Variants in PAXIP1 observed in about 807,000 individuals in gnomAD.
PAXIP1 encodes PAX-interacting protein 1.
A neutral mutation model predicts 140.6 loss-of-function variants in PAXIP1; 19 were observed. The observed-to-expected ratio is 0.14, with a 90% CI of 0.09 to 0.20. The LOEUF is 0.20. PAXIP1 is among the 10% of genes least tolerant of loss of function. The probability of loss-of-function intolerance (pLI) is 1.00; values close to 1 mark genes in which losing one functional copy is unlikely to be tolerated. For synonymous variants in PAXIP1, 442 were observed against 444.6 expected (o/e 0.99, Z 0.07); for missense variants, 920 against 1,208.6 (o/e 0.76, Z 3.54).
At chr7:154,988,389 G>A (rs1476274501) in intron 4 of PAXIP1, among the ~76,000 whole-genome samples, 1 of 152,016 alleles carries the variant, frequency 6.6e-6, no homozygotes, top group Non-Finnish European at 1.5e-5. Flanking sequence ...GCCCCTGAGT[G>A]GTCATATATG....
At chr7:154,984,120 A>G (rs144950956) in intron 4 of PAXIP1, among the ~76,000 whole-genome samples, 1 of 152,288 alleles carries the variant, frequency 6.6e-6, no homozygotes, top group African/African-American at 2.4e-5. Context: ...AATTACACCT[A>G]ATAATTGGAA....
At chr7:154,996,199 G>A (rs976238226) in intron 2 of PAXIP1, among the ~76,000 whole-genome samples, 1 of 152,162 alleles carries the variant, frequency 6.6e-6, no homozygotes, top group Non-Finnish European at 1.5e-5. Context: ...AAGAATATCA[G>A]GATCTACTTG....
chr7:154,951,058 T>TA (rs1381330829), intron 16 of PAXIP1: 2 of 152,284 alleles, frequency 1.3e-5, no homozygotes, highest in African/African-American at 4.8e-5. Flanking sequence ...ATCATGTCCT[T>TA]ACACATTTGT....
At chr7:154,984,619 A>G (rs2150775131) in intron 4 of PAXIP1, among the ~76,000 whole-genome samples, 1 of 152,364 alleles carries the variant, frequency 6.6e-6, no homozygotes, top group African/African-American at 2.4e-5. Flanking sequence ...ATTATTTTAT[A>G]ACTTGTTAAT....
chr7:154,986,240 T>C lies in PAXIP1; in HGVS notation c.325-2908A>G. The C allele has an allele frequency of 8.0e-7, 1 of 1,251,198 alleles. No individual in the cohort carries two copies. Among genetic ancestry groups the C allele is most frequent in the African/African-American group, 1.5e-5 (1 of 64,542 alleles). The allele number at this position is 1,251,198 out of a possible 1,614,324, so 77.5% of individuals were successfully genotyped here. On this transcript the variant is annotated intron_variant, in intron 4 of 20. Transcript: ENST00000404141. This position sits in a 1 kb window ranked among gnomAD's most constrained non-coding sequence, Gnocchi z 4.8. Reference sequence around the variant, plus strand: ...CCAAGAAACAGTCCTTTTGTAAAGCTGGGGTCCTGCCTGGCGTGTGCATGT... The same window carrying C: ...CCAAGAAACAGTCCTTTTGTAAAGCCGGGGTCCTGCCTGGCGTGTGCATGT...
Position 154,946,958 on chromosome 7 carries a change from T to TA in PAXIP1, c.2923-146_2923-145insT. On this transcript the variant is annotated intron_variant, in intron 17 of 20. Coordinates refer to ENST00000404141, the MANE Select transcript of PAXIP1 (RefSeq NM_007349.4). This position sits in a 1 kb window ranked among gnomAD's most constrained non-coding sequence, Gnocchi z 4.9. ...GAAGGTACTATTCTCCTACTAGCAC[T>TA]CAATCTGAAGTGGAAGAGGAATCCA... The TA allele has an allele frequency of 3.4e-6, 2 of 580,500 alleles. No individual in the cohort carries two copies. Among genetic ancestry groups the TA allele is most frequent in the Non-Finnish European group, 6.0e-6 (2 of 335,642 alleles). The allele number at this position is 580,500 out of a possible 1,614,324, so 36.0% of individuals were successfully genotyped here. A position where few individuals can be genotyped will look rare whatever the true frequency, so the allele number is the denominator to read the frequency against.
At chr7:154,951,744 T>G (rs1808280770) in intron 16 of PAXIP1, 1 of 152,150 alleles carries the variant, frequency 6.6e-6, no homozygotes, top group South Asian at 2.1e-4. Context: ...ACTTGAAAAA[T>G]TAAGTAAATT....
chr7:154,945,547 C>G (rs1463535510), intron 20 of PAXIP1: 3 of 985,296 alleles, frequency 3.0e-6, no homozygotes, highest in African/African-American at 1.7e-5. Context: ...ACACAAAATT[C>G]CCCTGCTTAA....
chr7:154,989,168 A>G (rs992307953), intron 4 of PAXIP1, among the ~76,000 whole-genome samples: 24 of 152,218 alleles, frequency 1.6e-4, no homozygotes, highest in Admixed American at 3.9e-4. Flanking sequence ...GAACTTCCAG[A>G]ATACAAGAGA....
At position 154,977,991 on chromosome 7, in the gene PAXIP1, T is replaced by C. The variant is rs1563379935; in HGVS notation, c.439-1660A>G. Among the ~76,000 whole-genome samples the C allele has an allele frequency of 2.2e-4, 28 of 128,656 alleles. 1 individual carries two copies. Among genetic ancestry groups the C allele is most frequent in the African/African-American group, 1.1e-3 (25 of 23,124 alleles). 84.4% of individuals were successfully genotyped at this position (128,656 alleles called of 152,430 possible). Reference sequence around the variant, plus strand: ...TGTACATTTTCGAACGCAGACCAAATTAGAGACTAGTGGAATAAATCCCTT... The same window carrying C: ...TGTACATTTTCGAACGCAGACCAAACTAGAGACTAGTGGAATAAATCCCTT... On this transcript the variant is annotated intron_variant, in intron 5 of 20. Coordinates refer to ENST00000404141, the MANE Select transcript of PAXIP1 (RefSeq NM_007349.4).
chr7:154,947,028 C>T (rs569973077), intron 17 of PAXIP1: 1 of 442,602 alleles, frequency 2.3e-6, no homozygotes, highest in Non-Finnish European at 4.0e-6. Flanking sequence ...GTTAAGTATG[C>T]CTGAAGATGA....
Position 154,968,967 on chromosome 7 carries a change from GCTGCTGCTGCTGGGC to G in PAXIP1, c.1219_1233del (p.Ala407_Gln411del), listed in dbSNP as rs1300228766. 26 of 1,542,588 alleles carry G rather than the reference GCTGCTGCTGCTGGGC, an allele frequency of 1.7e-5. No individual in the cohort carries two copies. Among genetic ancestry groups the G allele is most frequent in the African/African-American group, 4.1e-5 (3 of 72,794 alleles). On this transcript the variant is annotated inframe_deletion, in exon 7 of 21. Transcript: ENST00000404141. Reference sequence around the variant, plus strand: ...TGAAGGTGTAAAACCGGGTGCTGCTGCTGCTGCTGCTGGGCCTGCTGCTGCTGCTGTAGCATGTGT... The same window carrying G: ...TGAAGGTGTAAAACCGGGTGCTGCTGCTGCTGCTGCTGCTGTAGCATGTGT...
chr7:154,962,642 C>A, intron 9 of PAXIP1, 184 bp from the exon 10 acceptor site: 1 of 509,520 alleles, frequency 2.0e-6, no homozygotes, highest in Non-Finnish European at 3.4e-6. Flanking sequence ...GAAATACAAC[C>A]TAAAAATGTT....
At chr7:154,971,744 G>A (rs1375067808) in intron 6 of PAXIP1, among the ~76,000 whole-genome samples, 2 of 152,182 alleles carry the variant, frequency 1.3e-5, no homozygotes, top group Non-Finnish European at 2.9e-5. Flanking sequence ...AAAGCAGTAT[G>A]ATACACATCA....
Position 154,957,218 on chromosome 7 carries a change from T to G in PAXIP1, c.2549+6A>C. 6.3e-7 allele frequency: 1 copy of G among 1,580,114 alleles called. No individual in the cohort carries two copies. The highest frequency in any genetic ancestry group is 8.7e-7 in the Non-Finnish European group (1 of 1,152,388). ...GCAATGAAAAATTTAAGGTTATTACTCATACCTGGCTCTTTTGGAAGAAGG... is the reference window on the plus strand; with the variant it reads ...GCAATGAAAAATTTAAGGTTATTACGCATACCTGGCTCTTTTGGAAGAAGG... On this transcript the variant is annotated splice_donor_region_variant and intron_variant, in intron 14 of 20. Transcript: ENST00000404141.
chr7:154,980,709 T>C (rs1035265032), intron 5 of PAXIP1, among the ~76,000 whole-genome samples: 1 of 152,244 alleles, frequency 6.6e-6, no homozygotes, highest in Non-Finnish European at 1.5e-5. Flanking sequence ...CCACCACTTC[T>C]GGCCCATGTA....
intron 20 of PAXIP1, chr7:154,945,774 TTAAAA>T (rs1276487234): frequency 1.0e-6 from 1 of 985,016 alleles, no homozygotes; most frequent in African/African-American, 1.7e-5. Flanking sequence ...TGTTCCTACA[TTAAAA>T]TAATAATTCA....
At chr7:154,966,085 G>A (rs1310286176) in intron 8 of PAXIP1, among the ~76,000 whole-genome samples, 1 of 152,088 alleles carries the variant, frequency 6.6e-6, no homozygotes, top group Non-Finnish European at 1.5e-5. Context: ...CTCTCTGCTG[G>A]CATAGTGGCT....
intron 2 of PAXIP1, among the ~76,000 whole-genome samples, chr7:154,997,299 T>C (rs545191792): frequency 1.1e-3 from 161 of 152,290 alleles, no homozygotes; most frequent in African/African-American, 3.7e-3. Flanking sequence ...TGGAGTACAG[T>C]AGCTATTCAC....
Sources: allele counts gnomAD v4.1 joint callset (sites outside exome capture counted in the v4.1 genomes callset), GRCh38; gene constraint gnomAD v4.1.1; non-coding constraint Gnocchi (gnomAD v3.1); transcripts MANE v1.5; gene names NCBI Gene and HGNC (gene_info 2026-07-23, HGNC 2026-07-21).